Variants in ARL15 observed in about 807,000 individuals in gnomAD.
ARL15 encodes the protein ADP-ribosylation factor-like protein 15.
ARL15 carries 19 observed loss-of-function variants against 25.2 expected under a neutral mutation model. That is an observed-to-expected ratio of 0.75 (90% CI 0.53 to 1.10). The LOEUF is 1.10. ARL15 is among the 50% of genes least tolerant of loss of function. ARL15 has a pLI of 0.00. For synonymous variants in ARL15, 94 were observed against 86.8 expected, an observed-to-expected ratio of 1.08 and a Z score of -0.46; for missense variants, 220 against 246.0, an observed-to-expected ratio of 0.89 and a Z score of 0.71.
intron 4 of ARL15, among the ~76,000 whole-genome samples, chr5:54,002,458 AAAG>A (rs1331220557): frequency 6.6e-6 from 1 of 152,200 alleles, no homozygotes; most frequent in Admixed American, 6.5e-5. Context: ...CATTAGCTTA[AAAG>A]AAGAAGTTGT....
At chr5:54,114,417 A>AAAAAAAAAAAAAAAAAAAAAAAAC (rs1190191336) in intron 3 of ARL15, among the ~76,000 whole-genome samples, 1 of 148,964 alleles carries the variant, frequency 6.7e-6, no homozygotes. Context: ...AAAAAAAAAA[A>AAAAAAAAAAAAAAAAAAAAAAAAC]AAAAAGCAAC....
chr5:54,164,737 ATT>A (rs1266997882), intron 2 of ARL15, among the ~76,000 whole-genome samples: 1 of 151,858 alleles, frequency 6.6e-6, no homozygotes, highest in African/African-American at 2.4e-5. Context: ...TATTTAATCT[ATT>A]TGTGTCTTTA....
chr5:54,035,416 A>G (rs1275769027), intron 4 of ARL15, among the ~76,000 whole-genome samples: 1 of 152,234 alleles, frequency 6.6e-6, no homozygotes, highest in Non-Finnish European at 1.5e-5. Flanking sequence ...ATTTTAGAAT[A>G]AAACACATAT....
In ARL15 at chr5:54,310,519, A is replaced by C; in HGVS notation, c.-40T>G. ...CATCCGGAACGGCTCCGAACCCGGAAAAAAAAAGCAGCGTCTCTGGCTGCG... is the reference window on the plus strand; with the variant it reads ...CATCCGGAACGGCTCCGAACCCGGACAAAAAAAGCAGCGTCTCTGGCTGCG... On this transcript the variant is annotated 5_prime_UTR_variant, in exon 1 of 5. Transcript: ENST00000504924. 1.3e-6 allele frequency: 2 copies of C among 1,572,400 alleles called. No individual in the cohort carries two copies. Among genetic ancestry groups the C allele is most frequent in the Non-Finnish European group, 1.7e-6 (2 of 1,160,450 alleles).
At chr5:54,275,240 C>A (rs1379866574) in intron 1 of ARL15, among the ~76,000 whole-genome samples, 1 of 152,204 alleles carries the variant, frequency 6.6e-6, no homozygotes, top group Non-Finnish European at 1.5e-5. Context: ...CGTCTGTTGG[C>A]TTAATCTCAG....
chr5:54,256,128 G>T (rs113688613), intron 1 of ARL15, among the ~76,000 whole-genome samples: 1 of 151,332 alleles, frequency 6.6e-6, no homozygotes, highest in South Asian at 2.1e-4. Context: ...AAAACAAATT[G>T]GTTCTCTTAA....
chr5:54,269,749 G>A (rs1385770931), intron 1 of ARL15, among the ~76,000 whole-genome samples: 6 of 152,138 alleles, frequency 3.9e-5, no homozygotes, highest in Admixed American at 6.6e-5. Context: ...AGGTTCAAGC[G>A]ATTCGCCTGC....
chr5:53,933,797 G>A (rs766439477), intron 4 of ARL15, among the ~76,000 whole-genome samples: 2 of 152,098 alleles, frequency 1.3e-5, no homozygotes, highest in Admixed American at 6.5e-5. Context: ...AGTTTTAGAT[G>A]ATGACGGCTG....
At chr5:54,028,362 C>T (rs1012828960) in intron 4 of ARL15, among the ~76,000 whole-genome samples, 1 of 152,090 alleles carries the variant, frequency 6.6e-6, no homozygotes, top group South Asian at 2.1e-4. Context: ...ATAGTCCTTT[C>T]TTAATACAAA....
intron 1 of ARL15, among the ~76,000 whole-genome samples, chr5:54,229,486 G>A (rs1441640365): frequency 6.6e-6 from 1 of 152,098 alleles, no homozygotes; most frequent in Non-Finnish European, 1.5e-5. Flanking sequence ...GTATTACGAA[G>A]ATCTGGTATA....
At chr5:54,106,980 A>C (rs930784341) in intron 4 of ARL15, among the ~76,000 whole-genome samples, 3 of 152,102 alleles carry the variant, frequency 2.0e-5, no homozygotes, top group Admixed American at 2.0e-4. Context: ...GTATTAGTCC[A>C]TTTTTACACT....
intron 1 of ARL15, among the ~76,000 whole-genome samples, chr5:54,259,780 A>T (rs556520367): frequency 1.2e-4 from 18 of 152,354 alleles, no homozygotes; most frequent in African/African-American, 4.1e-4. Flanking sequence ...ACATGGTCTT[A>T]CAACATCACA....
At chr5:54,158,862 G>C (rs185470808) in intron 2 of ARL15, among the ~76,000 whole-genome samples, 2 of 152,242 alleles carry the variant, frequency 1.3e-5, no homozygotes, top group African/African-American at 4.8e-5. Context: ...GACAGAGCAA[G>C]ACTCTGTCTC....
chr5:53,961,486 ACT>A (rs891595230), intron 4 of ARL15, among the ~76,000 whole-genome samples: 18 of 118,094 alleles, frequency 1.5e-4, no homozygotes, highest in African/African-American at 6.2e-4. Flanking sequence ...TGACAGAGAG[ACT>A]CTGTCTCAAA....
intron 3 of ARL15, among the ~76,000 whole-genome samples, chr5:54,127,910 C>T (rs1242254907): frequency 1.3e-5 from 2 of 152,028 alleles, no homozygotes; most frequent in Non-Finnish European, 2.9e-5. Context: ...GAAAAACAAG[C>T]AATGGGGAAA....
At chr5:53,993,570 T>C (rs1208001835) in intron 4 of ARL15, among the ~76,000 whole-genome samples, 1 of 152,214 alleles carries the variant, frequency 6.6e-6, no homozygotes, top group Non-Finnish European at 1.5e-5. Context: ...TCTGCACCTT[T>C]TACCTTGCCT....
At chr5:54,222,428 C>T (rs183835380) in intron 1 of ARL15, among the ~76,000 whole-genome samples, 3 of 152,296 alleles carry the variant, frequency 2.0e-5, no homozygotes, top group East Asian at 3.9e-4. Context: ...CAAGCAAACA[C>T]ACTTGAGCAG....
chr5:54,055,422 G>A (rs931639082), intron 4 of ARL15, among the ~76,000 whole-genome samples: 11 of 133,568 alleles, frequency 8.2e-5, no homozygotes, highest in African/African-American at 2.5e-4. Flanking sequence ...GTGCTGTGGC[G>A]TGATCTTGGC....
At chr5:54,218,342 C>T (rs771563141) in intron 1 of ARL15, among the ~76,000 whole-genome samples, 19 of 152,274 alleles carry the variant, frequency 1.2e-4, no homozygotes, top group Non-Finnish European at 2.1e-4. Context: ...GCCGAGAAGA[C>T]GGCTATGCCT....
Sources: allele counts gnomAD v4.1 joint callset (sites outside exome capture counted in the v4.1 genomes callset), GRCh38; gene constraint gnomAD v4.1.1; transcripts MANE v1.5; gene names NCBI Gene and HGNC (gene_info 2026-07-23, HGNC 2026-07-21).